The following KATNAL1 variants were observed in gnomAD, a reference collection of about 807,000 sequenced individuals.
The protein encoded by KATNAL1 is katanin p60 ATPase-containing subunit A-like 1.
KATNAL1 carries 32 observed loss-of-function variants against 55.2 expected under a neutral mutation model. That is an observed-to-expected ratio of 0.58 (90% confidence interval 0.44 to 0.78). The LOEUF (loss-of-function observed/expected upper bound fraction) is 0.78. Ranked by LOEUF, KATNAL1 falls within the 30% of genes least tolerant of loss-of-function variation. The pLI is 0.00. For missense variants in KATNAL1, 466 were observed against 600.9 expected (o/e 0.78, Z 2.35); for synonymous variants, 193 against 193.6 (o/e 1.00, Z 0.02).
intron 9 of KATNAL1, 26 bp from the exon 10 acceptor site, chr13:30,210,468 T>A (rs377235230): frequency 8.2e-6 from 13 of 1,582,620 alleles, no homozygotes; most frequent in African/African-American, 1.4e-5. Context: ...GGTGGTGTTG[T>A]TAGATGTTTT....
At chr13:30,221,070 C>T (rs904656066) in intron 9 of KATNAL1, among the ~76,000 whole-genome samples, 2 of 152,034 alleles carry the variant, frequency 1.3e-5, no homozygotes, top group Non-Finnish European at 2.9e-5. Context: ...TATTAGAATA[C>T]AGAGTAACAG....
At chr13:30,301,865 T>G (rs189967081) in intron 1 of KATNAL1, among the ~76,000 whole-genome samples, 1 of 152,306 alleles carries the variant, frequency 6.6e-6, no homozygotes, top group Non-Finnish European at 1.5e-5. Context: ...TTATGAAGTA[T>G]GTATGTATGT....
At chr13:30,304,908 T>C (rs980799110) in intron 1 of KATNAL1, among the ~76,000 whole-genome samples, 1 of 152,230 alleles carries the variant, frequency 6.6e-6, no homozygotes, top group Non-Finnish European at 1.5e-5. Context: ...GTTCCAAATC[T>C]AACTCCCAAC....
At chr13:30,270,895 C>G (rs554078196) in intron 3 of KATNAL1, among the ~76,000 whole-genome samples, 69 of 147,996 alleles carry the variant, frequency 4.7e-4, no homozygotes, top group Non-Finnish European at 7.2e-4. Flanking sequence ...GAGAAACACC[C>G]AAGAATGATC....
At chr13:30,232,376 A>C (rs1876189842) in intron 6 of KATNAL1, among the ~76,000 whole-genome samples, 1 of 152,216 alleles carries the variant, frequency 6.6e-6, no homozygotes, top group African/African-American at 2.4e-5. Flanking sequence ...TGTATGTCAA[A>C]GTTTCATAAA....
At chr13:30,242,178 G>A (rs1014893302) in intron 4 of KATNAL1, among the ~76,000 whole-genome samples, 1 of 152,220 alleles carries the variant, frequency 6.6e-6, no homozygotes, top group South Asian at 2.1e-4. Context: ...TTCTAGAAAC[G>A]TATCAACGAA....
intron 9 of KATNAL1, among the ~76,000 whole-genome samples, chr13:30,214,558 C>T (rs1276669844): frequency 1.3e-5 from 2 of 152,176 alleles, no homozygotes; most frequent in Admixed American, 1.3e-4. Context: ...CAGCATGGTA[C>T]TGGTACCAGA....
At chr13:30,280,001 A>G in intron 3 of KATNAL1, 62 bp downstream of exon 3, 5 of 1,412,528 alleles carry the variant, frequency 3.5e-6, no homozygotes, top group Non-Finnish European at 3.9e-6. Flanking sequence ...TGTTCAAAAC[A>G]TGCTTCACTG....
At chr13:30,251,663 A>C (rs1053201325) in intron 4 of KATNAL1, among the ~76,000 whole-genome samples, 13 of 152,218 alleles carry the variant, frequency 8.5e-5, no homozygotes, top group African/African-American at 3.1e-4. Flanking sequence ...TGTGTAAGCT[A>C]TTTTGTCATA....
chr13:30,298,240 T>C (rs7320956), intron 1 of KATNAL1, among the ~76,000 whole-genome samples: 3,057 of 152,312 alleles, frequency 0.02, 101 homozygotes, highest in African/African-American at 0.069. Context: ...GTTTTGTCAG[T>C]TCTAGAATGC....
chr13:30,226,059 C>A (rs1875435240), intron 9 of KATNAL1, among the ~76,000 whole-genome samples: 1 of 151,956 alleles, frequency 6.6e-6, no homozygotes, highest in Admixed American at 6.6e-5. Context: ...CAGAGAAATA[C>A]CAATTAAAAT....
intron 1 of KATNAL1, among the ~76,000 whole-genome samples, chr13:30,287,940 C>T (rs866628692): frequency 2.6e-4 from 40 of 152,028 alleles, no homozygotes; most frequent in Non-Finnish European, 1.2e-4. Context: ...TATAATGAGA[C>T]AAAAAATTCC....
rs189792165 is a variant in KATNAL1, at chr13:30,250,826, T to A, written c.492+4621A>T. On this transcript the variant is annotated intron_variant, in intron 4 of 10. Coordinates refer to ENST00000380615, the MANE Select transcript of KATNAL1 (RefSeq NM_032116.5). ...GTACTGCTCATTTCACTGAGTTAAT[T>A]AACCATAAAACTATAATCTTAAAAA... is the stretch of plus-strand genomic sequence containing the variant. 5.6e-4 allele frequency among the ~76,000 whole-genome samples: 86 copies of A among 152,322 alleles called. 1 individual carries two copies. The highest frequency in any genetic ancestry group is 4.4e-4 in the Non-Finnish European group (30 of 68,014).
intron 3 of KATNAL1, among the ~76,000 whole-genome samples, chr13:30,274,061 G>C (rs536117765): frequency 2.0e-5 from 3 of 152,172 alleles, no homozygotes; most frequent in African/African-American, 7.2e-5. Context: ...GCATCCAGAG[G>C]CCAGCATCCT....
At chr13:30,296,311 C>A in intron 1 of KATNAL1, 1 of 1,181,832 alleles carries the variant, frequency 8.5e-7, no homozygotes, top group Non-Finnish European at 1.2e-6. Context: ...CCACGGAGAT[C>A]ACTGCAGTCA....
intron 6 of KATNAL1, among the ~76,000 whole-genome samples, chr13:30,236,163 G>A (rs8002503): frequency 0.013 from 2,018 of 152,222 alleles, 38 homozygotes; most frequent in African/African-American, 0.045. Context: ...TGCCTATGTC[G>A]TCCTGGGCTC....
rs1213764622 is a variant in KATNAL1 at position 30,205,835 on chromosome 13, GTGTGTGTGTA to G, written c.*2695_*2704del. ...CACTGTCTTCTGCAATAAAGACTCT[GTGTGTGTGTA>G]TGTGTGTGTATGTGTGTCTGTCTCA... On this transcript the variant is annotated 3_prime_UTR_variant, in exon 11 of 11. Coordinates refer to ENST00000380615, the MANE Select transcript of KATNAL1 (RefSeq NM_032116.5). 46 of 151,480 alleles carry G rather than the reference GTGTGTGTGTA, an allele frequency of 3.0e-4. No individual in the cohort carries two copies. Among genetic ancestry groups the G allele is most frequent in the East Asian group, 1.2e-3 (6 of 5,174 alleles). 9.4% of individuals were successfully genotyped at this position (151,480 alleles called of 1,614,324 possible).
Position 30,280,200 on chromosome 13 carries a change from T to C in KATNAL1, c.186A>G (p.Glu62=). 1 of 1,599,672 alleles carries C rather than the reference T, an allele frequency of 6.3e-7. No homozygotes were observed. The highest frequency in any genetic ancestry group is 8.5e-7 in the Non-Finnish European group (1 of 1,175,862). The change falls in exon 3 of 11, where the codon GAA becomes GAG. Residue 62 remains glutamate, a synonymous_variant. Coordinates refer to ENST00000380615, the MANE Select transcript of KATNAL1 (RefSeq NM_032116.5). The part of the protein sequence containing the change: ...WQQVRQELLE[E]YEQVKSIVST... Reference sequence around the variant, plus strand: ...TGACAATACTTTTAACTTGTTCATATTCCTCCAATAATTCCTGCCGAACCT... The same window carrying C: ...TGACAATACTTTTAACTTGTTCATACTCCTCCAATAATTCCTGCCGAACCT...
At chr13:30,277,164 G>T (rs754379007) in intron 3 of KATNAL1, among the ~76,000 whole-genome samples, 1 of 152,200 alleles carries the variant, frequency 6.6e-6, no homozygotes, top group South Asian at 2.1e-4. Context: ...TGAAGAATCT[G>T]CAGGGAGAAA....
Sources: allele counts gnomAD v4.1 joint callset (sites outside exome capture counted in the v4.1 genomes callset), GRCh38; gene constraint gnomAD v4.1.1; transcripts MANE v1.5; gene names NCBI Gene and HGNC (gene_info 2026-07-23, HGNC 2026-07-21).